STARD13: variants seen among roughly 807,000 people sequenced by gnomAD.
STARD13 encodes stAR-related lipid transfer protein 13.
In STARD13, 62 loss-of-function variants were observed where a neutral mutation model predicts 106.4. That is an observed-to-expected ratio of 0.58 (90% CI 0.48 to 0.72). STARD13 has a LOEUF of 0.72. STARD13 is among the 30% of genes least tolerant of loss of function. The probability of loss-of-function intolerance (pLI) is 0.00; values close to 1 mark genes in which losing one functional copy is unlikely to be tolerated. For synonymous variants in STARD13, 565 were observed against 553.0 expected (o/e 1.02, Z -0.31); for missense variants, 1,387 against 1,424.0 (o/e 0.97, Z 0.42).
chr13:33,369,824 C>G, the STARD13 span, among the ~76,000 whole-genome samples: 1 of 152,056 alleles, frequency 6.6e-6, no homozygotes, highest in African/African-American at 2.4e-5. Context: ...TCACAGTTGC[C>G]CCTCAGTAAA....
chr13:33,317,191 A>G (rs1332063704), intron 1 of STARD13, among the ~76,000 whole-genome samples: 1 of 152,082 alleles, frequency 6.6e-6, no homozygotes, highest in Non-Finnish European at 1.5e-5. Flanking sequence ...TAAAAATCCC[A>G]TCTCTCATCT....
the STARD13 span, among the ~76,000 whole-genome samples, chr13:33,622,948 A>C: frequency 2.6e-4 from 40 of 151,198 alleles, no homozygotes; most frequent in Non-Finnish European, 5.5e-4. Context: ...AAAATGCAAA[A>C]ATCAGCTGGG....
the STARD13 span, among the ~76,000 whole-genome samples, chr13:33,610,398 C>T: frequency 0.14 from 20,689 of 152,214 alleles, 2,249 homozygotes; most frequent in African/African-American, 0.29. Flanking sequence ...TTGTTAAAAA[C>T]AAAATTTCTC....
chr13:33,251,979 G>A (rs370144167), intron 1 of STARD13, among the ~76,000 whole-genome samples: 1 of 152,006 alleles, frequency 6.6e-6, no homozygotes, highest in South Asian at 2.1e-4. Flanking sequence ...AAATCAAAAC[G>A]ATAAGCTTTA....
the STARD13 span, among the ~76,000 whole-genome samples, chr13:33,563,762 A>G: frequency 6.8e-6 from 1 of 147,794 alleles, no homozygotes; most frequent in African/African-American, 2.5e-5. Flanking sequence ...TGCACAGCAA[A>G]GGAAAGAATC....
intron 1 of STARD13, among the ~76,000 whole-genome samples, chr13:33,245,841 C>T (rs899372292): frequency 2.0e-5 from 3 of 152,132 alleles, no homozygotes; most frequent in Non-Finnish European, 2.9e-5. Context: ...ATTTTCTTTT[C>T]TTTCATTCTC....
At chr13:33,325,316 C>T (rs1003268931) in intron 1 of STARD13, among the ~76,000 whole-genome samples, 6 of 152,126 alleles carry the variant, frequency 3.9e-5, no homozygotes, top group Admixed American at 3.3e-4. Context: ...CAAAAGGAAA[C>T]AGGATGAGGG....
the STARD13 span, among the ~76,000 whole-genome samples, chr13:33,402,728 G>A: frequency 1.3e-5 from 2 of 152,192 alleles, no homozygotes; most frequent in African/African-American, 4.8e-5. Flanking sequence ...GGAACAACAT[G>A]GCAGAGAAAG....
rs1158384445 is a variant in STARD13, at chr13:33,129,650, C to G, written c.1027G>C (p.Val343Leu). The change falls in exon 5 of 14, where the codon GTG becomes CTG. Residue 343 changes from valine to leucine, a missense_variant. Transcript: ENST00000336934. ...SSPSEHSSSG[V>L]STPCLKERKC... ...CGTTCCTTCAGGCAGGGCGTGCTCACCCCGCTGCTGCTGTGCTCCGACGGG... is the reference window on the plus strand; with the variant it reads ...CGTTCCTTCAGGCAGGGCGTGCTCAGCCCGCTGCTGCTGTGCTCCGACGGG... 6 of 1,613,870 alleles carry G rather than the reference C, an allele frequency of 3.7e-6. No homozygotes were observed. In the African/African-American group the frequency reaches 6.7e-5, roughly 18 times the overall value.
At chr13:33,269,798 A>C (rs1194760245) in intron 1 of STARD13, among the ~76,000 whole-genome samples, 2 of 152,228 alleles carry the variant, frequency 1.3e-5, no homozygotes, top group Non-Finnish European at 2.9e-5. Context: ...AATGAGAAGA[A>C]AGAAAAATGA....
intron 1 of STARD13, among the ~76,000 whole-genome samples, chr13:33,173,142 C>G (rs1296174352): frequency 6.6e-6 from 1 of 152,180 alleles, no homozygotes; most frequent in Non-Finnish European, 1.5e-5. Context: ...GAAATTATCA[C>G]TATTAAAGTA....
At chr13:33,585,304 G>A in the STARD13 span, among the ~76,000 whole-genome samples, 1 of 151,922 alleles carries the variant, frequency 6.6e-6, no homozygotes, top group African/African-American at 2.4e-5. Context: ...CTGAAGGCAG[G>A]GACACAAACA....
At chr13:33,401,379 T>C in the STARD13 span, among the ~76,000 whole-genome samples, 2 of 152,220 alleles carry the variant, frequency 1.3e-5, no homozygotes, top group Non-Finnish European at 2.9e-5. Context: ...TGCCACACTC[T>C]GAAATGCATT....
At chr13:33,381,478 G>T in the STARD13 span, among the ~76,000 whole-genome samples, 1 of 152,162 alleles carries the variant, frequency 6.6e-6, no homozygotes, top group South Asian at 2.1e-4. Context: ...GGTAGCTCAT[G>T]CCTGTAATCT....
intron 3 of STARD13, among the ~76,000 whole-genome samples, chr13:33,163,604 AAAT>A (rs1256504468): frequency 0.013 from 1,000 of 74,460 alleles, 35 homozygotes; most frequent in African/African-American, 0.034. Context: ...AAAAAAAAAA[AAAT>A]ATATATATAT....
Position 33,130,352 on chromosome 13 carries a change from G to C in STARD13, c.388-63C>G. On this transcript the variant is annotated intron_variant, in intron 4 of 13. Transcript: ENST00000336934. The surrounding 1 kb of genome is among the most constrained non-coding windows in gnomAD (Gnocchi z 4.1). The stretch of plus-strand genomic sequence containing the variant: ...CGTGGCTGAAGCAGGAACTCTGGGT[G>C]CTCTGAGGGCAGCCCTGTGTGGTCC... The C allele has an allele frequency of 6.6e-7, 1 of 1,523,084 alleles. No individual in the cohort carries two copies. Among genetic ancestry groups the C allele is most frequent in the South Asian group, 1.2e-5 (1 of 80,308 alleles). 94.3% of individuals were successfully genotyped at this position (1,523,084 alleles called of 1,614,324 possible).
chr13:33,478,723 T>C, the STARD13 span, among the ~76,000 whole-genome samples: 1 of 152,070 alleles, frequency 6.6e-6, no homozygotes, highest in Non-Finnish European at 1.5e-5. Flanking sequence ...TGAGACCAGC[T>C]TGGGCAGCAT....
chr13:33,401,416 G>A, the STARD13 span, among the ~76,000 whole-genome samples: 1 of 152,148 alleles, frequency 6.6e-6, no homozygotes, highest in Non-Finnish European at 1.5e-5. Flanking sequence ...TAAAATTGGG[G>A]CAGAGAGCCA....
chr13:33,574,699 G>T, the STARD13 span, among the ~76,000 whole-genome samples: 19 of 152,148 alleles, frequency 1.2e-4, no homozygotes, highest in East Asian at 3.7e-3. Flanking sequence ...CCATGATCAT[G>T]CCACTACACT....
Sources: allele counts gnomAD v4.1 joint callset (sites outside exome capture counted in the v4.1 genomes callset), GRCh38; gene constraint gnomAD v4.1.1; non-coding constraint Gnocchi (gnomAD v3.1); transcripts MANE v1.5; gene names NCBI Gene and HGNC (gene_info 2026-07-23, HGNC 2026-07-21).